MAPK13: variants seen among roughly 807,000 people sequenced by gnomAD.
MAPK13 encodes the protein mitogen-activated protein kinase 13.
A neutral mutation model predicts 53.5 loss-of-function variants in MAPK13; 39 were observed. The ratio of observed to expected loss-of-function variants is 0.73; its 90% CI spans 0.56 to 0.95. The LOEUF (loss-of-function observed/expected upper bound fraction) is 0.95, where lower values mean the gene tolerates loss of function less well. Ranked by LOEUF, MAPK13 falls within the 40% of genes least tolerant of loss-of-function variation. MAPK13 has a pLI of 0.00. For missense variants in MAPK13, 460 were observed against 471.8 expected (o/e 0.98, Z 0.23); for synonymous variants, 179 against 190.9 (o/e 0.94, Z 0.51).
chr6:36,137,289 G>A (rs963903398), intron 8 of MAPK13, among the ~76,000 whole-genome samples: 14 of 152,190 alleles, frequency 9.2e-5, no homozygotes, highest in Non-Finnish European at 1.5e-4. Context: ...GCTGAGGCGG[G>A]CAGATCATGA....
At chr6:36,138,279 G>A in intron 8 of MAPK13, 86 bp from the exon 9 acceptor site, 1 of 987,826 alleles carries the variant, frequency 1.0e-6, no homozygotes, top group Admixed American at 1.9e-5. Context: ...TTGCCATGGT[G>A]CCCGGGTGAA....
In MAPK13 at chr6:36,142,888, G is replaced by C. The variant is rs989919961; in HGVS notation, c.*3515G>C. 6.6e-6 allele frequency: 1 copy of C among 151,914 alleles called. No individual in the cohort carries two copies. Among genetic ancestry groups the C allele is most frequent in the Non-Finnish European group, 1.5e-5 (1 of 68,032 alleles). 9.4% of individuals were successfully genotyped at this position (151,914 alleles called of 1,614,324 possible). ...TGCAAGGTGGGGGGTGGAGGGGGTG[G>C]GGAGTAGAGGGAGTGGGGGTTCCAC... On this transcript the variant is annotated 3_prime_UTR_variant, in exon 12 of 12. Transcript: ENST00000211287. The surrounding 1 kb of genome is among the most constrained non-coding windows in gnomAD (Gnocchi z 4.4).
Position 36,130,597 on chromosome 6 carries a change from G to GA in MAPK13, c.20dup (p.Phe9LeufsTer74). On this transcript the variant is annotated frameshift_variant, in exon 1 of 12. Coordinates refer to ENST00000211287, the MANE Select transcript of MAPK13 (RefSeq NM_002754.5). LOFTEE classifies it high-confidence loss of function. This position sits in a 1 kb window ranked among gnomAD's most constrained non-coding sequence, Gnocchi z 4.5. The stretch of plus-strand genomic sequence containing the variant: ...GGGTGCCCGGGATGAGCCTCATCCG[G>GA]AAAAAGGGCTTCTACAAGCAGGACG... The GA allele has an allele frequency of 6.4e-7, 1 of 1,573,700 alleles. No individual in the cohort carries two copies. Among genetic ancestry groups the GA allele is most frequent in the Non-Finnish European group, 8.6e-7 (1 of 1,160,638 alleles).
Position 36,139,687 on chromosome 6 carries a change from G to T in MAPK13, c.*314G>T. The T allele has an allele frequency of 2.9e-6, 1 of 346,740 alleles. No homozygotes were observed. The highest frequency in any genetic ancestry group is 5.4e-6 in the Non-Finnish European group (1 of 185,802). 21.5% of individuals were successfully genotyped at this position (346,740 alleles called of 1,614,324 possible). A position where few individuals can be genotyped will look rare whatever the true frequency, so the allele number is the denominator to read the frequency against. On this transcript the variant is annotated 3_prime_UTR_variant, in exon 12 of 12. Transcript: ENST00000211287. ...GGGCCTATGGCAGTGATGCTGTGTT[G>T]GTTTCCTAGGGATGCTCTAACGAAT...
At chr6:36,133,577 G>C (rs931355143) in intron 3 of MAPK13, among the ~76,000 whole-genome samples, 1 of 152,162 alleles carries the variant, frequency 6.6e-6, no homozygotes, top group Non-Finnish European at 1.5e-5. Context: ...AGGAAGAACA[G>C]ATCTTGGGGG....
chr6:36,134,503 C>T (rs936749911), intron 3 of MAPK13, among the ~76,000 whole-genome samples: 1 of 152,196 alleles, frequency 6.6e-6, no homozygotes, highest in African/African-American at 2.4e-5. Context: ...AGCCATCCTC[C>T]CGCCTCAGCC....
rs916083446 is a variant in MAPK13 at position 36,144,239 on chromosome 6, A to G, written c.*4866A>G. 3 of 152,218 alleles carry G rather than the reference A, an allele frequency of 2.0e-5. No individual in the cohort carries two copies. Among genetic ancestry groups the G allele is most frequent in the Non-Finnish European group, 4.4e-5 (3 of 68,042 alleles). The allele number at this position is 152,218 out of a possible 1,614,324, so 9.4% of individuals were successfully genotyped here. On this transcript the variant is annotated 3_prime_UTR_variant, in exon 12 of 12. Transcript: ENST00000211287. ...AAGTAAGCTAGTTATATTTATATAC[A>G]GTTGTCAAAATATTTTTAAAATGTA...
At chr6:36,137,388 G>A (rs531594556) in intron 8 of MAPK13, among the ~76,000 whole-genome samples, 9 of 152,206 alleles carry the variant, frequency 5.9e-5, no homozygotes, top group South Asian at 2.1e-4. Flanking sequence ...GGTGGCAGGC[G>A]CCTGTAGTCC....
rs761169763 is a variant in MAPK13 at position 36,136,864 on chromosome 6, T to C, written c.611-15T>C. The C allele has an allele frequency of 1.3e-5, 21 of 1,613,424 alleles. 1 individual carries two copies. In the South Asian group the frequency reaches 2.3e-4, roughly 18 times the overall value. ...GCCCCAGACAGTCCAGGTGACACTC[T>C]CCCTCCCTCTGCAGTGGACATCTGG... is the stretch of plus-strand genomic sequence containing the variant. On this transcript the variant is annotated splice_polypyrimidine_tract_variant and intron_variant, in intron 7 of 11. Transcript: ENST00000211287.
chr6:36,136,571 C>T, intron 6 of MAPK13, 40 bp downstream of exon 6: 1 of 1,595,142 alleles, frequency 6.3e-7, no homozygotes, highest in East Asian at 2.2e-5. Context: ...CGGGATAGGC[C>T]CTCCCCCAGG....
Position 36,130,622 on chromosome 6 carries a change from G to A in MAPK13, c.40G>A (p.Val14Ile), listed in dbSNP as rs560599111. Residue 14 changes from valine to isoleucine, a missense_variant, in exon 1 of 12, where the codon GTC (valine) becomes ATC (isoleucine). By Grantham distance (29) the Val-to-Ile change is conservative (BLOSUM62 3). Coordinates refer to ENST00000211287, the MANE Select transcript of MAPK13 (RefSeq NM_002754.5). This position sits in a 1 kb window ranked among gnomAD's most constrained non-coding sequence, Gnocchi z 4.5. ...GAAAAAGGGCTTCTACAAGCAGGAC[G>A]TCAACAAGACAGCCTGGGAGCTGCC... ...IRKKGFYKQD[V>I]NKTAWELPKT... 5 of 1,585,210 alleles carry A rather than the reference G, an allele frequency of 3.2e-6. No individual in the cohort carries two copies. In the South Asian group the frequency reaches 5.6e-5, roughly 18 times the overall value.
At chr6:36,131,148 C>T in intron 1 of MAPK13, 123 bp from the exon 2 acceptor site, 1 of 1,180,248 alleles carries the variant, frequency 8.5e-7, no homozygotes, top group Non-Finnish European at 1.2e-6. Flanking sequence ...GCGGCTCCCC[C>T]ATATTCTAGG....
At position 36,137,889 on chromosome 6, in the gene MAPK13, G is replaced by A. The variant is rs12527583; in HGVS notation, c.683-476G>A. ...CAGGAAAATCGCTTGAACCCAGGAG[G>A]TGGAGGTTGCAGTGAGCCAAGACTG... On this transcript the variant is annotated intron_variant, in intron 8 of 11. Transcript: ENST00000211287. 4.1e-5 allele frequency among the ~76,000 whole-genome samples: 6 copies of A among 147,414 alleles called. No individual in the cohort carries two copies. The East Asian group carries it at 1.0e-3, about 25-fold the overall frequency.
intron 2 of MAPK13, 27 bp downstream of exon 2, chr6:36,131,427 GGTGGGGGCTGCC>G (rs1766321049): frequency 6.2e-7 from 1 of 1,601,548 alleles, no homozygotes; most frequent in Non-Finnish European, 8.5e-7. Flanking sequence ...CCGGGGAGGG[GGTGGGGGCTGCC>G]CTGGGGAGTC....
Position 36,136,740 on chromosome 6 carries a change from A to C in MAPK13, c.580A>C (p.Ile194Leu), listed in dbSNP as rs1364274433. 8 of 1,613,952 alleles carry C rather than the reference A, an allele frequency of 5.0e-6. No homozygotes were observed. Among genetic ancestry groups the C allele is most frequent in the Non-Finnish European group, 6.8e-6 (8 of 1,179,974 alleles). Reference protein sequence around the residue: ...VTRWYRAPEVILSWMHYNQTV... With the variant: ...VTRWYRAPEVLLSWMHYNQTV... Reference sequence around the variant, plus strand: ...CCGCTGGTACCGAGCCCCCGAGGTGATCCTCAGCTGGATGCACTACAACCA... The same window carrying C: ...CCGCTGGTACCGAGCCCCCGAGGTGCTCCTCAGCTGGATGCACTACAACCA... The change falls in exon 7 of 12, where the codon ATC (isoleucine) becomes CTC (leucine). Residue 194 changes from isoleucine to leucine, a missense_variant. Transcript: ENST00000211287.
intron 8 of MAPK13, 71 bp downstream of exon 8, chr6:36,137,021 C>T: frequency 7.3e-7 from 1 of 1,373,428 alleles, no homozygotes. Flanking sequence ...ATTTAAATAA[C>T]TGTCTTTTTT....
chr6:36,138,470 G>A (rs1407216679), intron 9 of MAPK13, 26 bp downstream of exon 9: 1 of 1,609,254 alleles, frequency 6.2e-7, no homozygotes, highest in Non-Finnish European at 8.5e-7. Context: ...GACCTAGGCT[G>A]GCCTGGGCTG....
intron 2 of MAPK13, among the ~76,000 whole-genome samples, chr6:36,131,985 G>A (rs1323687228): frequency 1.3e-5 from 2 of 152,234 alleles, no homozygotes; most frequent in Admixed American, 1.3e-4. Flanking sequence ...TCTGATAGAA[G>A]CAGCTGGGAA....
In MAPK13 at chr6:36,131,397, G is replaced by A. The variant is rs764257506; in HGVS notation, c.246G>A (p.Glu82=). The A allele has an allele frequency of 6.2e-7, 1 of 1,612,366 alleles. No homozygotes were observed. Among genetic ancestry groups the A allele is most frequent in the Admixed American group, 1.7e-5 (1 of 59,920 alleles). The change falls in exon 2 of 12, where the codon GAG becomes GAA. Residue 82 remains glutamate (E), a synonymous_variant. Transcript: ENST00000211287. The part of the protein sequence containing the change: ...ELLLLKHMQH[E]NVIGLLDVFT... ...TGCTGCTGAAGCACATGCAGCATGA[G>A]AACGTAGGTGGTGGCTGCCCCGGGG...
Sources: gnomAD v4.1 joint callset for allele counts (sites outside exome capture counted in the v4.1 genomes callset) on GRCh38, gnomAD v4.1.1 for gene constraint, Gnocchi (gnomAD v3.1) non-coding constraint, MANE v1.5 for transcripts, NCBI Gene and HGNC (gene_info 2026-07-23, HGNC 2026-07-21) for gene names.